Variants in MEGF10 observed in about 807,000 individuals in gnomAD.
MEGF10 encodes multiple epidermal growth factor-like domains protein 10.
A neutral mutation model predicts 147.5 loss-of-function variants in MEGF10; 86 were observed. The ratio of observed to expected loss-of-function variants is 0.58; its 90% CI spans 0.49 to 0.70. MEGF10 has a LOEUF of 0.70. Among genes scored for constraint, MEGF10 ranks in the 30% least tolerant of loss-of-function variants. MEGF10 has a pLI of 0.00. For missense variants in MEGF10, 1,329 were observed against 1,487.3 expected (o/e 0.89, Z 1.75); for synonymous variants, 478 against 525.5 (o/e 0.91, Z 1.24).
At chr5:127,419,060 T>G in intron 10 of MEGF10, 60 bp from the exon 11 acceptor site, 1 of 1,536,724 alleles carries the variant, frequency 6.5e-7, no homozygotes, top group South Asian at 1.3e-5. Context: ...TTTGTTTATT[T>G]GTGTTGGCCT....
chr5:127,296,493 G>A (rs564515851), intron 1 of MEGF10, among the ~76,000 whole-genome samples: 1 of 152,256 alleles, frequency 6.6e-6, no homozygotes, highest in African/African-American at 2.4e-5. Flanking sequence ...CATCTTGATA[G>A]GTACATGTGC....
chr5:127,303,531 C>G (rs1269920599), intron 1 of MEGF10, among the ~76,000 whole-genome samples: 1 of 152,016 alleles, frequency 6.6e-6, no homozygotes. Context: ...AGTAATTTCA[C>G]TAATTGCAAC....
At chr5:127,268,100 A>G in the MEGF10 span, among the ~76,000 whole-genome samples, 2 of 152,182 alleles carry the variant, frequency 1.3e-5, no homozygotes, top group Non-Finnish European at 2.9e-5. Flanking sequence ...AATGTGTCCC[A>G]GAGATTCTGG....
chr5:127,360,744 T>A lies in MEGF10; in HGVS notation c.320-9166T>A, dbSNP rs77777337. Among the ~76,000 whole-genome samples, 142 of 151,958 alleles carry A rather than the reference T, an allele frequency of 9.3e-4. 1 individual carries two copies. In the East Asian group the frequency reaches 0.013, roughly 14 times the overall value. ...AGGCATCTTTTGAAATAACCATATA[T>A]GTGATTATTGTATCATTCAGGTCTA... is the stretch of plus-strand genomic sequence containing the variant. On this transcript the variant is annotated intron_variant, in intron 4 of 24. Transcript: ENST00000503335.
the MEGF10 span, among the ~76,000 whole-genome samples, chr5:127,238,733 G>T: frequency 6.6e-6 from 1 of 152,116 alleles, no homozygotes; most frequent in Non-Finnish European, 1.5e-5. Context: ...CCCCATCCGT[G>T]TCTATTTATG....
Position 127,398,616 on chromosome 5 carries a change from A to G in MEGF10, c.660-60A>G. ...TATTTTGGGGACCCTGGGTACAGTG[A>G]ACCCGAGGGTCATGTGTCTGGGAAA... On this transcript the variant is annotated intron_variant, in intron 6 of 24. Coordinates refer to ENST00000503335, the MANE Select transcript of MEGF10 (RefSeq NM_001256545.2). 4 of 1,604,194 alleles carry G rather than the reference A, an allele frequency of 2.5e-6. No homozygotes were observed. The South Asian group carries it at 4.4e-5, about 18-fold the overall frequency.
At chr5:127,244,770 G>A in the MEGF10 span, among the ~76,000 whole-genome samples, 2 of 152,060 alleles carry the variant, frequency 1.3e-5, no homozygotes, top group African/African-American at 2.4e-5. Context: ...CAAAATGCAA[G>A]GCAAATCAAA....
the MEGF10 span, among the ~76,000 whole-genome samples, chr5:127,279,943 T>G: frequency 6.6e-6 from 1 of 151,626 alleles, no homozygotes; most frequent in Non-Finnish European, 1.5e-5. Flanking sequence ...ATTTGTCTTT[T>G]CTATTTCTAT....
At chr5:127,306,245 T>C (rs544964378) in intron 1 of MEGF10, among the ~76,000 whole-genome samples, 1 of 152,258 alleles carries the variant, frequency 6.6e-6, no homozygotes, top group African/African-American at 2.4e-5. Flanking sequence ...TTTTCATGGG[T>C]TAGTGGCTGA....
At chr5:127,312,712 A>G (rs1760345634) in intron 1 of MEGF10, among the ~76,000 whole-genome samples, 1 of 152,214 alleles carries the variant, frequency 6.6e-6, no homozygotes, top group Non-Finnish European at 1.5e-5. Flanking sequence ...AGTTTCCTAT[A>G]AGTACCTTGG....
intron 4 of MEGF10, among the ~76,000 whole-genome samples, chr5:127,365,644 C>T (rs186597446): frequency 6.6e-5 from 10 of 152,258 alleles, no homozygotes; most frequent in East Asian, 3.9e-4. Flanking sequence ...AGGGAAAAGA[C>T]GTCTTGGCTG....
chr5:127,290,366 G>T (rs1238276883), upstream of MEGF10, among the ~76,000 whole-genome samples: 1 of 152,084 alleles, frequency 6.6e-6, no homozygotes, highest in Non-Finnish European at 1.5e-5. Flanking sequence ...AGGACCCGCC[G>T]TCCACTCCAG....
chr5:127,283,898 T>G, the MEGF10 span, among the ~76,000 whole-genome samples: 25 of 152,214 alleles, frequency 1.6e-4, no homozygotes, highest in Admixed American at 2.6e-4. Flanking sequence ...AAACTTTTTT[T>G]GGGGGAAAAC....
intron 5 of MEGF10, among the ~76,000 whole-genome samples, chr5:127,393,328 C>A (rs1454903190): frequency 6.6e-6 from 1 of 152,204 alleles, no homozygotes; most frequent in Non-Finnish European, 1.5e-5. Flanking sequence ...ATGAATTCTG[C>A]CTCCAGTCTA....
chr5:127,395,207 C>T (rs1010330960), intron 5 of MEGF10, among the ~76,000 whole-genome samples: 1 of 152,074 alleles, frequency 6.6e-6, no homozygotes, highest in African/African-American at 2.4e-5. Flanking sequence ...TTTATCATCA[C>T]CCTCTTTAAT....
At chr5:127,409,123 C>T (rs928361882) in intron 8 of MEGF10, among the ~76,000 whole-genome samples, 4 of 152,108 alleles carry the variant, frequency 2.6e-5, no homozygotes, top group South Asian at 4.1e-4. Context: ...TAGAATTCCT[C>T]CCACCCTGGT....
chr5:127,311,262 A>G lies in MEGF10; in HGVS notation c.-18-20029A>G, dbSNP rs557876907. 6.6e-5 allele frequency among the ~76,000 whole-genome samples: 10 copies of G among 152,366 alleles called. No individual in the cohort carries two copies. In the East Asian group the frequency reaches 1.7e-3, roughly 26 times the overall value. On this transcript the variant is annotated intron_variant, in intron 1 of 24. Coordinates refer to ENST00000503335, the MANE Select transcript of MEGF10 (RefSeq NM_001256545.2). ...CCAAACACTACAGATATTGCTTAGTATAAAAAAGCAACTGGGGAGTACATC... is the reference window on the plus strand; with the variant it reads ...CCAAACACTACAGATATTGCTTAGTGTAAAAAAGCAACTGGGGAGTACATC...
chr5:127,432,071 T>C (rs923633472), intron 13 of MEGF10, among the ~76,000 whole-genome samples: 7 of 152,206 alleles, frequency 4.6e-5, no homozygotes, highest in Non-Finnish European at 4.4e-5. Context: ...ACAGACCTGG[T>C]CTCCTTTCTT....
intron 2 of MEGF10, among the ~76,000 whole-genome samples, chr5:127,335,461 C>T (rs1717472138): frequency 1.3e-5 from 2 of 152,042 alleles, no homozygotes; most frequent in South Asian, 4.2e-4. Flanking sequence ...CCATAGTGGC[C>T]GTGATAAAGA....
Sources: allele counts gnomAD v4.1 joint callset (sites outside exome capture counted in the v4.1 genomes callset), GRCh38; gene constraint gnomAD v4.1.1; transcripts MANE v1.5; gene names NCBI Gene and HGNC (gene_info 2026-07-23, HGNC 2026-07-21).